WWOX: variants seen among roughly 807,000 people sequenced by gnomAD.
WWOX encodes WW domain containing oxidoreductase.
WWOX carries 69 observed loss-of-function variants against 46.2 expected under a neutral mutation model. The ratio of observed to expected loss-of-function variants is 1.49; its 90% CI spans 1.23 to 1.82. The LOEUF (loss-of-function observed/expected upper bound fraction) is 1.82. WWOX is among the 40% of genes most tolerant of loss of function. WWOX has a pLI of 0.00. For synonymous variants in WWOX, 359 were observed against 202.6 expected (o/e 1.77, Z -6.56); for missense variants, 919 against 542.6 (o/e 1.69, Z -6.89).
chr16:78,919,789 A>G (rs1415729183), intron 8 of WWOX, among the ~76,000 whole-genome samples: 1 of 152,128 alleles, frequency 6.6e-6, no homozygotes, highest in Non-Finnish European at 1.5e-5. Context: ...TGCTGGGATT[A>G]CAGGCATGAG....
In WWOX at chr16:78,425,049, C is replaced by G. The variant is rs2083044695; in HGVS notation, c.785C>G (p.Ser262Cys). The change falls in exon 7 of 9, where the codon TCC (serine) becomes TGC (cysteine). Residue 262 changes from serine (S) to cysteine (C), a missense_variant. Ser to Cys is a moderately radical substitution (Grantham distance 112). Coordinates refer to ENST00000566780, the MANE Select transcript of WWOX (RefSeq NM_016373.4). ...CGTGTCATTGTGGTCTCCTCAGAGT[C>G]CCATCGGTGGGTTTGAATTGCATAT... The part of the protein sequence containing the change: ...PARVIVVSSE[S>C]HRFTDINDSL... The G allele has an allele frequency of 1.9e-6, 3 of 1,613,566 alleles. No individual in the cohort carries two copies. Among genetic ancestry groups the G allele is most frequent in the Non-Finnish European group, 2.5e-6 (3 of 1,180,022 alleles).
chr16:78,498,204 C>G (rs867100043), intron 8 of WWOX, among the ~76,000 whole-genome samples: 2 of 19,542 alleles, frequency 1.0e-4, no homozygotes, highest in African/African-American at 2.1e-4. Flanking sequence ...GACTCCATCT[C>G]AAAAAAAAAA....
intron 8 of WWOX, among the ~76,000 whole-genome samples, chr16:78,823,270 A>G (rs1177734340): frequency 1.3e-5 from 2 of 152,220 alleles, no homozygotes; most frequent in Non-Finnish European, 2.9e-5. Flanking sequence ...TGCATTCTGC[A>G]GCTGGGGCGG....
intron 8 of WWOX, among the ~76,000 whole-genome samples, chr16:78,863,145 A>G (rs2043928886): frequency 6.6e-6 from 1 of 151,888 alleles, no homozygotes; most frequent in Non-Finnish European, 1.5e-5. Flanking sequence ...TTTAATAGAG[A>G]TGGGGTTTCA....
At chr16:79,051,134 C>T (rs539300351) in intron 8 of WWOX, among the ~76,000 whole-genome samples, 11 of 152,172 alleles carry the variant, frequency 7.2e-5, no homozygotes, top group Admixed American at 2.6e-4. Flanking sequence ...CGGGTTGTTT[C>T]ATGCTGATCA....
intron 8 of WWOX, among the ~76,000 whole-genome samples, chr16:79,191,590 A>G (rs955408991): frequency 2.6e-5 from 4 of 152,222 alleles, no homozygotes; most frequent in African/African-American, 9.7e-5. Flanking sequence ...TCAATTACTG[A>G]TGATCATTTG....
chr16:78,892,273 C>G (rs945363794), intron 8 of WWOX: 1 of 152,068 alleles, frequency 6.6e-6, no homozygotes, highest in South Asian at 2.1e-4. Flanking sequence ...AAGAGGTACT[C>G]GATGAACCAC....
At chr16:78,484,944 C>A (rs562041611) in intron 8 of WWOX, among the ~76,000 whole-genome samples, 16 of 152,194 alleles carry the variant, frequency 1.1e-4, no homozygotes, top group African/African-American at 3.1e-4. Context: ...ACTACACAGC[C>A]TGTGTACCTG....
At chr16:78,200,168 C>T (rs1451954259) in intron 5 of WWOX, among the ~76,000 whole-genome samples, 1 of 152,062 alleles carries the variant, frequency 6.6e-6, no homozygotes, top group Non-Finnish European at 1.5e-5. Flanking sequence ...CTGGAAGGAG[C>T]AATGTTTGCT....
chr16:78,420,697 T>G (rs374534373), intron 6 of WWOX, among the ~76,000 whole-genome samples: 2 of 151,168 alleles, frequency 1.3e-5, no homozygotes, highest in Non-Finnish European at 2.9e-5. Context: ...AAAATTAGAA[T>G]GTAGTTATGG....
chr16:78,721,862 AAACGCACACGTGCGTAGG>A (rs1418322989), intron 8 of WWOX, among the ~76,000 whole-genome samples: 1 of 152,254 alleles, frequency 6.6e-6, no homozygotes, highest in Non-Finnish European at 1.5e-5. Flanking sequence ...TTGGCAGAGC[AAACGCACACGTGCGTAGG>A]AGCTGGAATT....
chr16:78,158,670 C>T (rs1233011353), intron 4 of WWOX, among the ~76,000 whole-genome samples: 1 of 152,020 alleles, frequency 6.6e-6, no homozygotes, highest in East Asian at 1.9e-4. Flanking sequence ...TTAAGATCTT[C>T]TTTGGGTTCA....
intron 8 of WWOX, among the ~76,000 whole-genome samples, chr16:78,446,885 T>G (rs563510173): frequency 6.6e-6 from 1 of 152,200 alleles, no homozygotes; most frequent in East Asian, 1.9e-4. Flanking sequence ...GGACATGAAC[T>G]TCTGACCTCA....
chr16:78,456,679 A>G (rs2083825162), intron 8 of WWOX, among the ~76,000 whole-genome samples: 1 of 152,130 alleles, frequency 6.6e-6, no homozygotes, highest in Non-Finnish European at 1.5e-5. Flanking sequence ...TTTGTTGATG[A>G]CTCTTAACAA....
At position 79,064,137 on chromosome 16, in the gene WWOX, G is replaced by A. The variant is rs1298714337; in HGVS notation, c.1057-147471G>A. ...TTATAAATCCTCTAGCTGATAGAGA[G>A]TTTTCTTCCATCACAGGCAAAATGT... On this transcript the variant is annotated intron_variant, in intron 8 of 8. Transcript: ENST00000566780. Among the ~76,000 whole-genome samples, 8 of 152,222 alleles carry A rather than the reference G, an allele frequency of 5.3e-5. No homozygotes were observed. In the South Asian group the frequency reaches 1.7e-3, roughly 31 times the overall value.
intron 8 of WWOX, among the ~76,000 whole-genome samples, chr16:78,965,273 C>T (rs1175988430): frequency 6.6e-6 from 1 of 152,076 alleles, no homozygotes; most frequent in Admixed American, 6.5e-5. Context: ...ATGTTTAAAT[C>T]ACTAGTAAAA....
chr16:78,816,707 G>C (rs2051339909), intron 8 of WWOX, among the ~76,000 whole-genome samples: 2 of 151,938 alleles, frequency 1.3e-5, no homozygotes, highest in African/African-American at 4.8e-5. Flanking sequence ...TTAAAATGTA[G>C]AGTATCATCT....
intron 8 of WWOX, among the ~76,000 whole-genome samples, chr16:78,928,160 T>C (rs1420255466): frequency 6.6e-6 from 1 of 152,098 alleles, no homozygotes; most frequent in African/African-American, 2.4e-5. Context: ...CCCATGAGTT[T>C]AATAATAAAG....
At chr16:78,724,939 A>G (rs1368109963) in intron 8 of WWOX, among the ~76,000 whole-genome samples, 1 of 152,118 alleles carries the variant, frequency 6.6e-6, no homozygotes, top group East Asian at 1.9e-4. Context: ...GGTACGTAGC[A>G]GGTATTTTAC....
Sources: allele counts gnomAD v4.1 joint callset (sites outside exome capture counted in the v4.1 genomes callset), GRCh38; gene constraint gnomAD v4.1.1; transcripts MANE v1.5; gene names NCBI Gene and HGNC (gene_info 2026-07-23, HGNC 2026-07-21).